SERF2: variants seen among roughly 807,000 people sequenced by gnomAD.
The protein encoded by SERF2 is gastric cancer-related protein VRG107.
A neutral mutation model predicts 10.7 loss-of-function variants in SERF2; 4 were observed. That is an observed-to-expected ratio of 0.37 (90% CI 0.18 to 0.86). The LOEUF is 0.86. SERF2 is among the 40% of genes least tolerant of loss of function. The pLI is 0.43. For missense variants in SERF2, 47 were observed against 79.1 expected (o/e 0.59, Z 1.54); for synonymous variants, 26 against 26.0 (o/e 1.00, Z 0.01).
rs1270437288 is a variant in SERF2 at position 43,793,969 on chromosome 15, G to A, written c.*196G>A. 6.5e-7 allele frequency: 1 copy of A among 1,536,852 alleles called. No homozygotes were observed. The highest frequency in any genetic ancestry group is 8.8e-7 in the Non-Finnish European group (1 of 1,140,918). On this transcript the variant is annotated 3_prime_UTR_variant, in exon 3 of 3. Transcript: ENST00000249786. ...CTCTCCCCCTGGGCCACTCCCGGGG[G>A]TGAGGGGGTTACCCCTTCCCAGTGT...
chr15:43,784,819 C>T (rs2086992555), intron 1 of SERF2, among the ~76,000 whole-genome samples: 1 of 151,652 alleles, frequency 6.6e-6, no homozygotes, highest in South Asian at 2.1e-4. Flanking sequence ...ATGACTGAAT[C>T]TTGGCTCACT....
rs1013966649 is a variant in SERF2, at chr15:43,796,066, G to A, written c.*2293G>A. The A allele has an allele frequency of 4.2e-6, 4 of 955,756 alleles. No individual in the cohort carries two copies. The African/African-American group carries it at 6.5e-5, about 15-fold the overall frequency. 59.2% of individuals were successfully genotyped at this position (955,756 alleles called of 1,614,324 possible). A position where few individuals can be genotyped will look rare whatever the true frequency, so the allele number is the denominator to read the frequency against. ...TAAAAGGTAACAGCAGCTATAATCT[G>A]AGCATTCTGGGTAGAGGTTGGTAGG... On this transcript the variant is annotated 3_prime_UTR_variant, in exon 3 of 3. Coordinates refer to ENST00000249786, the MANE Select transcript of SERF2 (RefSeq NM_001018108.4).
At chr15:43,784,182 A>G (rs2086987262) in intron 1 of SERF2, among the ~76,000 whole-genome samples, 1 of 151,954 alleles carries the variant, frequency 6.6e-6, no homozygotes, top group Non-Finnish European at 1.5e-5. Flanking sequence ...TTGGCCTCTC[A>G]AAGTGTTAGG....
rs2087107998 is a variant in SERF2 at position 43,793,092 on chromosome 15, A to G, written c.116+9A>G. The G allele has an allele frequency of 1.9e-6, 3 of 1,578,308 alleles. No homozygotes were observed. The highest frequency in any genetic ancestry group is 1.7e-5 in the Admixed American group (1 of 59,552). ...GCCGCCCGCAAGCAGAGGTAGCCCC[A>G]GGGAGGGGAGGGAAAGGGACGGTGG... On this transcript the variant is annotated intron_variant, in intron 2 of 2. Coordinates refer to ENST00000249786, the MANE Select transcript of SERF2 (RefSeq NM_001018108.4).
At chr15:43,779,162 G>A (rs1226469706) in intron 1 of SERF2, among the ~76,000 whole-genome samples, 1 of 152,140 alleles carries the variant, frequency 6.6e-6, no homozygotes, top group Non-Finnish European at 1.5e-5. Context: ...TATGGTAACA[G>A]GCCACAGGCA....
upstream of SERF2, among the ~76,000 whole-genome samples, chr15:43,790,431 TCTTTCATGATTATAGGAATATG>T (rs1369634155): frequency 6.6e-6 from 1 of 152,082 alleles, no homozygotes; most frequent in Non-Finnish European, 1.5e-5. Flanking sequence ...TTTCTCTGTA[TCTTTCATGATTATAGGAATATG>T]CTGTGCTCAT....
chr15:43,783,992 C>T (rs1355166836), intron 1 of SERF2, among the ~76,000 whole-genome samples: 1 of 118,866 alleles, frequency 8.4e-6, no homozygotes, highest in Non-Finnish European at 1.6e-5. Context: ...ATCATGTTGG[C>T]CAGGCTGGTC....
Position 43,794,181 on chromosome 15 carries a change from G to T in SERF2, c.*408G>T, listed in dbSNP as rs2087146168. On this transcript the variant is annotated 3_prime_UTR_variant, in exon 3 of 3. Transcript: ENST00000249786. ...ACTTAATAAGTGAAACATCACAGAA[G>T]AAGCCTTTATTATACAATGACAACC... 1 of 547,146 alleles carries T rather than the reference G, an allele frequency of 1.8e-6. No individual in the cohort carries two copies. Among genetic ancestry groups the T allele is most frequent in the Non-Finnish European group, 3.2e-6 (1 of 311,776 alleles). 33.9% of individuals were successfully genotyped at this position (547,146 alleles called of 1,614,324 possible). A position where few individuals can be genotyped will look rare whatever the true frequency, so the allele number is the denominator to read the frequency against.
At chr15:43,787,232 C>T (rs1435954668) in intron 2 of SERF2, among the ~76,000 whole-genome samples, 1 of 151,976 alleles carries the variant, frequency 6.6e-6, no homozygotes, top group Non-Finnish European at 1.5e-5. Context: ...ATCTCCTGAC[C>T]TCATGATCAG....
chr15:43,788,982 T>C (rs188352806), upstream of SERF2, among the ~76,000 whole-genome samples: 58 of 152,052 alleles, frequency 3.8e-4, 1 homozygote, highest in East Asian at 6.0e-3. Context: ...ACCCCGTCTC[T>C]ACCAAAAACA....
At chr15:43,787,216 G>A (rs1280957668) in intron 2 of SERF2, among the ~76,000 whole-genome samples, 1 of 151,972 alleles carries the variant, frequency 6.6e-6, no homozygotes, top group Non-Finnish European at 1.5e-5. Context: ...AGCCAGGATG[G>A]TCTTGATCTC....
chr15:43,784,726 G>A (rs1348589160), intron 1 of SERF2, among the ~76,000 whole-genome samples: 1 of 151,600 alleles, frequency 6.6e-6, no homozygotes, highest in African/African-American at 2.4e-5. Flanking sequence ...AAAGTGCTGG[G>A]ATTACAGGTG....
At chr15:43,783,595 C>T (rs1567164276) in intron 1 of SERF2, among the ~76,000 whole-genome samples, 1 of 151,352 alleles carries the variant, frequency 6.6e-6, no homozygotes, top group African/African-American at 2.4e-5. Context: ...AGCCACCAAG[C>T]CTGGCTTCAT....
At chr15:43,784,532 G>C (rs564435916) in intron 1 of SERF2, among the ~76,000 whole-genome samples, 2 of 150,834 alleles carry the variant, frequency 1.3e-5, no homozygotes, top group South Asian at 2.1e-4. Context: ...GCAGTGGCGC[G>C]ATCTCGGCTC....
chr15:43,794,266 C>A lies in SERF2; in HGVS notation c.*493C>A. The stretch of plus-strand genomic sequence containing the variant: ...TCTAAGAACCATAGAGACTTCTTTT[C>A]TGTGATTTTTGTTCCCCACCCTTGA... On this transcript the variant is annotated 3_prime_UTR_variant, in exon 3 of 3. Coordinates refer to ENST00000249786, the MANE Select transcript of SERF2 (RefSeq NM_001018108.4). The A allele has an allele frequency of 3.0e-6, 1 of 332,938 alleles. No individual in the cohort carries two copies. Among genetic ancestry groups the A allele is most frequent in the Non-Finnish European group, 5.5e-6 (1 of 181,752 alleles). 20.6% of individuals were successfully genotyped at this position (332,938 alleles called of 1,614,324 possible).
chr15:43,795,128 C>G lies in SERF2; in HGVS notation c.*1355C>G. The G allele has an allele frequency of 6.2e-7, 1 of 1,614,020 alleles. No individual in the cohort carries two copies. The stretch of plus-strand genomic sequence containing the variant: ...AGTAACAGCCCCAGATAGAGGAGTA[C>G]GCAGGCCCAGCATGAGGCAACCTTG... On this transcript the variant is annotated 3_prime_UTR_variant, in exon 3 of 3. Transcript: ENST00000249786.
In SERF2 at chr15:43,783,927, A is replaced by ATTTTTTTTT. The variant is rs71111825; in HGVS notation, c.-526-1462_-526-1454dup. Among the ~76,000 whole-genome samples the ATTTTTTTTT allele has an allele frequency of 1.6e-3, 76 of 48,156 alleles. 2 individuals are homozygous for ATTTTTTTTT. The highest frequency in any genetic ancestry group is 1.9e-3 in the African/African-American group (25 of 13,398). The allele number at this position is 48,156 out of a possible 152,430, so 31.6% of individuals were successfully genotyped here. On this transcript the variant is annotated intron_variant, in intron 1 of 4. Coordinates refer to the SERF2 transcript ENST00000381359. The stretch of plus-strand genomic sequence containing the variant: ...CAAGCGGGTGCCACCACGCCCAGCT[A>ATTTTTTTTT]TTTTTTTTTTTTTTTTTTTTTTTTT...
At chr15:43,793,383 G>C in intron 2 of SERF2, 1 of 603,938 alleles carries the variant, frequency 1.7e-6, no homozygotes. Context: ...CGGCAGCCCA[G>C]TACTTTTGGC....
intron 2 of SERF2, among the ~76,000 whole-genome samples, chr15:43,787,231 C>T (rs1226823963): frequency 1.3e-5 from 2 of 151,900 alleles, no homozygotes; most frequent in Admixed American, 6.6e-5. Context: ...GATCTCCTGA[C>T]CTCATGATCA....
Sources: gnomAD v4.1 joint callset for allele counts (sites outside exome capture counted in the v4.1 genomes callset) on GRCh38, gnomAD v4.1.1 for gene constraint, MANE v1.5 for transcripts, NCBI Gene and HGNC (gene_info 2026-07-23, HGNC 2026-07-21) for gene names.